The following RABGAP1L variants were observed in gnomAD, a reference collection of about 807,000 sequenced individuals.
RABGAP1L encodes the protein RAB GTPase activating protein 1 like, also known as rab GTPase-activating protein 1-like.
In RABGAP1L, 63 loss-of-function variants were observed where a neutral mutation model predicts 137.7. The ratio of observed to expected loss-of-function variants is 0.46; its 90% CI spans 0.37 to 0.56. RABGAP1L has a LOEUF of 0.56. RABGAP1L is among the 20% of genes least tolerant of loss of function. RABGAP1L has a pLI of 0.00. For synonymous variants in RABGAP1L, 431 were observed against 433.7 expected, an observed-to-expected ratio of 0.99 and a Z score of 0.08; for missense variants, 1,095 against 1,244.0, an observed-to-expected ratio of 0.88 and a Z score of 1.80.
intron 19 of RABGAP1L, among the ~76,000 whole-genome samples, chr1:174,895,464 TTAAGTTC>T (rs1480462143): frequency 6.6e-6 from 1 of 152,064 alleles, no homozygotes; most frequent in Non-Finnish European, 1.5e-5. Flanking sequence ...TTATTATACT[TTAAGTTC>T]TAGGGTACAT....
chr1:174,648,706 T>C (rs771610154), intron 14 of RABGAP1L, among the ~76,000 whole-genome samples: 10 of 152,160 alleles, frequency 6.6e-5, no homozygotes, highest in Non-Finnish European at 1.3e-4. Context: ...TCTGTAGATA[T>C]CTATTAGGTC....
chr1:174,667,666 G>T (rs1676884714), intron 14 of RABGAP1L, among the ~76,000 whole-genome samples: 1 of 152,170 alleles, frequency 6.6e-6, no homozygotes, highest in African/African-American at 2.4e-5. Flanking sequence ...TTCTGGTCAT[G>T]CCATCTTCTA....
intron 11 of RABGAP1L, among the ~76,000 whole-genome samples, chr1:174,355,658 T>G (rs1683571231): frequency 6.6e-6 from 1 of 152,158 alleles, no homozygotes; most frequent in Non-Finnish European, 1.5e-5. Context: ...TCCTTAATAT[T>G]GTTAGCTGTT....
At chr1:174,245,045 A>G (rs543858808) in intron 5 of RABGAP1L, 27 of 152,334 alleles carry the variant, frequency 1.8e-4, no homozygotes, top group African/African-American at 5.5e-4. Flanking sequence ...ATGACACTGT[A>G]TAAAAGAAAA....
At chr1:174,460,498 G>A (rs1656557817) in intron 13 of RABGAP1L, among the ~76,000 whole-genome samples, 2 of 151,718 alleles carry the variant, frequency 1.3e-5, no homozygotes, top group African/African-American at 4.8e-5. Flanking sequence ...CCATATTATT[G>A]CATATTGTTT....
intron 13 of RABGAP1L, among the ~76,000 whole-genome samples, chr1:174,396,116 G>A (rs1647814735): frequency 6.6e-6 from 1 of 152,016 alleles, no homozygotes; most frequent in Non-Finnish European, 1.5e-5. Flanking sequence ...TTTAGAATAG[G>A]CAAACCTATA....
intron 13 of RABGAP1L, among the ~76,000 whole-genome samples, chr1:174,563,190 C>A (rs529399378): frequency 1.2e-4 from 19 of 152,240 alleles, no homozygotes; most frequent in South Asian, 2.1e-4. Flanking sequence ...TAGAGTTTGA[C>A]AGTGCATCCT....
intron 17 of RABGAP1L, among the ~76,000 whole-genome samples, chr1:174,708,621 A>G (rs940081192): frequency 6.6e-6 from 1 of 152,136 alleles, no homozygotes; most frequent in African/African-American, 2.4e-5. Context: ...CCCAGATACT[A>G]CACTTTTCCC....
At chr1:174,309,646 G>A (rs1432157102) in intron 11 of RABGAP1L, among the ~76,000 whole-genome samples, 1 of 152,096 alleles carries the variant, frequency 6.6e-6, no homozygotes, top group Non-Finnish European at 1.5e-5. Flanking sequence ...TTCATGTGAT[G>A]CATTACATTT....
chr1:174,315,059 T>C (rs1199247137), intron 11 of RABGAP1L, among the ~76,000 whole-genome samples: 1 of 152,144 alleles, frequency 6.6e-6, no homozygotes, highest in African/African-American at 2.4e-5. Flanking sequence ...TTTTTTTGTC[T>C]AGAAGGTCTG....
intron 11 of RABGAP1L, among the ~76,000 whole-genome samples, chr1:174,339,321 A>C (rs1175680431): frequency 6.6e-6 from 1 of 152,188 alleles, no homozygotes; most frequent in African/African-American, 2.4e-5. Flanking sequence ...GCAAGAGAAA[A>C]AGAAAAGCAT....
At chr1:174,759,613 A>C (rs1685060124) in intron 18 of RABGAP1L, among the ~76,000 whole-genome samples, 1 of 152,110 alleles carries the variant, frequency 6.6e-6, no homozygotes, top group South Asian at 2.1e-4. Context: ...AAAAAAGAAA[A>C]AAAATGGTTT....
chr1:174,638,777 A>C (rs1038889253), intron 14 of RABGAP1L, among the ~76,000 whole-genome samples: 7 of 147,972 alleles, frequency 4.7e-5, no homozygotes, highest in Non-Finnish European at 8.9e-5. Context: ...TCAGTAAACT[A>C]TCGCAAGAAC....
At chr1:174,349,826 A>G (rs1271088581) in intron 11 of RABGAP1L, among the ~76,000 whole-genome samples, 1 of 74,544 alleles carries the variant, frequency 1.3e-5, no homozygotes. Context: ...GGCGCCCCTC[A>G]CCTCCCAGAC....
intron 13 of RABGAP1L, among the ~76,000 whole-genome samples, chr1:174,396,970 C>T (rs1259881212): frequency 7.2e-6 from 1 of 139,296 alleles, no homozygotes; most frequent in Non-Finnish European, 1.6e-5. Flanking sequence ...GAGACGCTGT[C>T]TCTACAAAAA....
chr1:174,165,549 A>G (rs1664837875), intron 1 of RABGAP1L, among the ~76,000 whole-genome samples: 1 of 151,120 alleles, frequency 6.6e-6, no homozygotes, highest in Non-Finnish European at 1.5e-5. Context: ...ACTCAAACTG[A>G]GTGCTGTGGT....
chr1:174,601,198 G>A (rs1341324824), intron 13 of RABGAP1L, among the ~76,000 whole-genome samples: 10 of 152,190 alleles, frequency 6.6e-5, no homozygotes, highest in Admixed American at 5.2e-4. Flanking sequence ...TAGGCCGCAC[G>A]CAGCACAGGT....
At chr1:174,271,316 C>T (rs756354176) in intron 7 of RABGAP1L, among the ~76,000 whole-genome samples, 1 of 152,046 alleles carries the variant, frequency 6.6e-6, no homozygotes, top group Non-Finnish European at 1.5e-5. Flanking sequence ...AGTGATCTTG[C>T]TCATGTCAGC....
intron 12 of RABGAP1L, among the ~76,000 whole-genome samples, chr1:174,375,549 A>G (rs1685450084): frequency 6.6e-6 from 1 of 152,150 alleles, no homozygotes; most frequent in Non-Finnish European, 1.5e-5. Context: ...CACTACAGAC[A>G]TTACAAGGAT....
Sources: gnomAD v4.1 joint callset for allele counts (sites outside exome capture counted in the v4.1 genomes callset) on GRCh38, gnomAD v4.1.1 for gene constraint, MANE v1.5 for transcripts, NCBI Gene and HGNC (gene_info 2026-07-23, HGNC 2026-07-21) for gene names.